Variants in SNX2 observed in about 807,000 individuals in gnomAD.
SNX2 encodes the protein sorting nexin-2.
Under a neutral mutation model 69.9 loss-of-function variants are expected in SNX2, and 25 were observed. The observed-to-expected ratio is 0.36, with a 90% CI of 0.26 to 0.50. The LOEUF (loss-of-function observed/expected upper bound fraction) is 0.50, where lower values mean the gene tolerates loss of function less well. SNX2 is among the 20% of genes least tolerant of loss of function. SNX2 has a pLI of 0.97. For synonymous variants in SNX2, 229 were observed against 200.4 expected (o/e 1.14, Z -1.20); for missense variants, 551 against 613.3 (o/e 0.90, Z 1.07).
At chr5:122,805,441 T>C (rs1356468897) in intron 6 of SNX2, among the ~76,000 whole-genome samples, 5 of 152,164 alleles carry the variant, frequency 3.3e-5, no homozygotes, top group Non-Finnish European at 5.9e-5. Flanking sequence ...TGCTGATTTT[T>C]AAATTATTGT....
chr5:122,788,180 T>C (rs1753134773), intron 1 of SNX2, among the ~76,000 whole-genome samples: 3 of 152,262 alleles, frequency 2.0e-5, no homozygotes, highest in Admixed American at 2.0e-4. Context: ...CAATAGGTCT[T>C]TCAACACTTT....
intron 2 of SNX2, among the ~76,000 whole-genome samples, chr5:122,796,897 A>T (rs190406612): frequency 6.6e-6 from 1 of 152,274 alleles, no homozygotes; most frequent in Admixed American, 6.5e-5. Context: ...GGACTATACA[A>T]TGATATTTGC....
chr5:122,826,685 C>A, intron 12 of SNX2: 1 of 963,530 alleles, frequency 1.0e-6, no homozygotes, highest in Non-Finnish European at 1.2e-6. Context: ...AATAAATGTA[C>A]CTGCCCTTTG....
chr5:122,793,929 A>G (rs1056181995), intron 1 of SNX2, among the ~76,000 whole-genome samples: 4 of 150,784 alleles, frequency 2.7e-5, no homozygotes, highest in Admixed American at 6.6e-5. Flanking sequence ...AAAAAAAAAA[A>G]AAGACCTGGT....
At chr5:122,820,533 A>AT (rs1411284278) in intron 11 of SNX2, among the ~76,000 whole-genome samples, 1 of 151,848 alleles carries the variant, frequency 6.6e-6, no homozygotes, top group Non-Finnish European at 1.5e-5. Flanking sequence ...TCCATCTCAA[A>AT]TAAAAAAAAA....
At chr5:122,797,120 A>C (rs1753398613) in intron 2 of SNX2, among the ~76,000 whole-genome samples, 1 of 152,116 alleles carries the variant, frequency 6.6e-6, no homozygotes. Flanking sequence ...TTGAGATGGG[A>C]TCTTGCTATG....
chr5:122,794,982 C>A (rs183700908), intron 1 of SNX2, among the ~76,000 whole-genome samples: 9 of 152,010 alleles, frequency 5.9e-5, no homozygotes, highest in African/African-American at 2.2e-4. Flanking sequence ...AAGCTCACAT[C>A]GCTACACTCC....
intron 7 of SNX2, among the ~76,000 whole-genome samples, chr5:122,810,596 T>G (rs1332698855): frequency 1.3e-5 from 2 of 152,116 alleles, no homozygotes; most frequent in Non-Finnish European, 2.9e-5. Flanking sequence ...GGACATATAA[T>G]TTGATTCTAC....
intron 11 of SNX2, among the ~76,000 whole-genome samples, chr5:122,825,320 A>G (rs1754128241): frequency 2.6e-5 from 4 of 151,982 alleles, no homozygotes; most frequent in Admixed American, 2.6e-4. Context: ...TTTTTTCATG[A>G]GACTTCTAAT....
chr5:122,799,654 G>T (rs754739046), intron 2 of SNX2, 38 bp from the exon 3 acceptor site: 1 of 1,537,992 alleles, frequency 6.5e-7, no homozygotes. Context: ...GGGTTTGCTT[G>T]CCAGTGTTCT....
At chr5:122,806,931 C>T (rs931722865) in intron 6 of SNX2, among the ~76,000 whole-genome samples, 1 of 152,158 alleles carries the variant, frequency 6.6e-6, no homozygotes, top group Non-Finnish European at 1.5e-5. Context: ...TATGGTTTTA[C>T]ATAATCCATT....
chr5:122,784,252 C>A (rs1369303962), intron 1 of SNX2, among the ~76,000 whole-genome samples: 13 of 150,010 alleles, frequency 8.7e-5, no homozygotes, highest in Non-Finnish European at 1.3e-4. Flanking sequence ...GGTAGGACCA[C>A]CAGTATAATA....
Position 122,832,681 on chromosome 5 carries a change from T to G in SNX2, c.*3033T>G, listed in dbSNP as rs1490187724. 6.6e-6 allele frequency: 1 copy of G among 152,220 alleles called. No homozygotes were observed. The highest frequency in any genetic ancestry group is 1.9e-4 in the East Asian group (1 of 5,204). The allele number at this position is 152,220 out of a possible 1,614,324, so 9.4% of individuals were successfully genotyped here. ...CATAAGCCTTTTAACATAATCAGCT[T>G]TCTTTAAAGGAGGAAGTCAGATGAG... On this transcript the variant is annotated 3_prime_UTR_variant, in exon 15 of 15. Transcript: ENST00000379516.
At chr5:122,792,596 T>G (rs1163302638) in intron 1 of SNX2, among the ~76,000 whole-genome samples, 1 of 97,776 alleles carries the variant, frequency 1.0e-5, no homozygotes, top group African/African-American at 3.9e-5. Flanking sequence ...AAACTTCATC[T>G]CAAAAAAAAA....
intron 12 of SNX2, 172 bp from the exon 13 acceptor site, chr5:122,827,207 G>T: frequency 3.4e-6 from 2 of 590,292 alleles, no homozygotes; most frequent in Non-Finnish European, 6.0e-6. Flanking sequence ...AAGCTAACAT[G>T]CATTTCTATT....
rs1026853233 is a variant in SNX2, at chr5:122,778,111, A to G, written c.108+2900A>G. Among the ~76,000 whole-genome samples, 6 of 152,328 alleles carry G rather than the reference A, an allele frequency of 3.9e-5. No individual in the cohort carries two copies. In the South Asian group the frequency reaches 6.2e-4, roughly 16 times the overall value. Reference sequence around the variant, plus strand: ...TGCCTGGCTTATTTTACTTAACATAATGTCCTCCAAGCTCATCCATGTTGT... The same window carrying G: ...TGCCTGGCTTATTTTACTTAACATAGTGTCCTCCAAGCTCATCCATGTTGT... On this transcript the variant is annotated intron_variant, in intron 1 of 14. Transcript: ENST00000379516.
At chr5:122,803,640 T>TC (rs745973356) in intron 6 of SNX2, 27 bp downstream of exon 6, 2 of 1,569,326 alleles carry the variant, frequency 1.3e-6, no homozygotes, top group South Asian at 2.4e-5. Flanking sequence ...CAAAAATTAA[T>TC]TTTTGTTACT....
rs532500011 is a variant in SNX2, at chr5:122,800,456, ATAAG to A, written c.390+606_390+609del. On this transcript the variant is annotated intron_variant, in intron 3 of 14. Transcript: ENST00000379516. ...TCTCGCAAACATAATATTAAGGGAA[ATAAG>A]TAAGACATAAAAGAATACTTACATA... Among the ~76,000 whole-genome samples the A allele has an allele frequency of 2.0e-4, 30 of 152,382 alleles. No homozygotes were observed. In the South Asian group the frequency reaches 3.3e-3, roughly 17 times the overall value.
chr5:122,775,628 G>T, intron 1 of SNX2: 1 of 988,686 alleles, frequency 1.0e-6, no homozygotes, highest in Non-Finnish European at 1.2e-6. Flanking sequence ...GCCGCTGCCA[G>T]GGGAGCGCAA....
Sources: gnomAD v4.1 joint callset for allele counts (sites outside exome capture counted in the v4.1 genomes callset) on GRCh38, gnomAD v4.1.1 for gene constraint, MANE v1.5 for transcripts, NCBI Gene and HGNC (gene_info 2026-07-23, HGNC 2026-07-21) for gene names.